PCDH17: variants seen among roughly 807,000 people sequenced by gnomAD.
PCDH17 encodes the protein protocadherin-17.
PCDH17 carries 21 observed loss-of-function variants against 67.7 expected under a neutral mutation model. That is an observed-to-expected ratio of 0.31 (90% CI 0.22 to 0.45). PCDH17 has a LOEUF of 0.45. Among genes scored for constraint, PCDH17 ranks in the 20% least tolerant of loss-of-function variants. PCDH17 has a pLI of 1.00. For missense variants in PCDH17, 1,471 were observed against 1,564.8 expected, an observed-to-expected ratio of 0.94 and a Z score of 1.01; for synonymous variants, 701 against 656.7, an observed-to-expected ratio of 1.07 and a Z score of -1.03.
At chr13:57,685,960 G>A (rs768766978) in intron 3 of PCDH17, among the ~76,000 whole-genome samples, 1 of 151,902 alleles carries the variant, frequency 6.6e-6, no homozygotes, top group East Asian at 2.0e-4. Context: ...ATAGTGGCAT[G>A]CACCTTTAGT....
Position 57,726,624 on chromosome 13 carries a change from G to A in PCDH17, c.*1330G>A, listed in dbSNP as rs892094694. 4 of 152,552 alleles carry A rather than the reference G, an allele frequency of 2.6e-5. No individual in the cohort carries two copies. The highest frequency in any genetic ancestry group is 7.2e-5 in the African/African-American group (3 of 41,442). 9.4% of individuals were successfully genotyped at this position (152,552 alleles called of 1,614,324 possible). A position where few individuals can be genotyped will look rare whatever the true frequency, so the allele number is the denominator to read the frequency against. On this transcript the variant is annotated 3_prime_UTR_variant, in exon 4 of 4. Transcript: ENST00000377918. Reference sequence around the variant, plus strand: ...AGTGAGCTGATGGAGCTAACTGAAAGGTCAAAAATTACATCCATCAGTCAT... The same window carrying A: ...AGTGAGCTGATGGAGCTAACTGAAAAGTCAAAAATTACATCCATCAGTCAT...
chr13:57,693,058 T>A (rs188675421), intron 3 of PCDH17, among the ~76,000 whole-genome samples: 3 of 150,662 alleles, frequency 2.0e-5, no homozygotes, highest in Middle Eastern at 3.4e-3. Context: ...AATCCATGAC[T>A]CAGCCTGGAT....
upstream of PCDH17, among the ~76,000 whole-genome samples, chr13:57,631,613 A>G (rs951627048): frequency 1.1e-4 from 17 of 152,152 alleles, no homozygotes; most frequent in African/African-American, 2.4e-4. Flanking sequence ...CCCCCTCCCA[A>G]TAGACTCACA....
Position 57,632,469 on chromosome 13 carries a change from C to A in PCDH17, c.-78C>A. ...CTCGCGTCGCGCGCGCACGCTGCGC[C>A]AGGGCCCCAGGCTGGCGCGCACTCC... On this transcript the variant is annotated 5_prime_UTR_variant, in exon 1 of 4. Transcript: ENST00000377918. 6.9e-7 allele frequency: 1 copy of A among 1,451,358 alleles called. No individual in the cohort carries two copies. The highest frequency in any genetic ancestry group is 9.3e-7 in the Non-Finnish European group (1 of 1,080,070). The allele number at this position is 1,451,358 out of a possible 1,614,324, so 89.9% of individuals were successfully genotyped here.
chr13:57,671,415 T>G (rs1955320569), intron 3 of PCDH17, among the ~76,000 whole-genome samples: 1 of 151,840 alleles, frequency 6.6e-6, no homozygotes, highest in African/African-American at 2.4e-5. Flanking sequence ...AAAGAAGAGC[T>G]ACCTATAGTT....
intron 3 of PCDH17, among the ~76,000 whole-genome samples, chr13:57,697,367 G>A (rs1270858026): frequency 6.6e-6 from 1 of 151,546 alleles, no homozygotes; most frequent in African/African-American, 2.4e-5. Context: ...AAGAGATACT[G>A]GATTTTTAAG....
At chr13:57,691,776 T>C (rs1555286664) in intron 3 of PCDH17, among the ~76,000 whole-genome samples, 2 of 151,256 alleles carry the variant, frequency 1.3e-5, no homozygotes, top group Non-Finnish European at 3.0e-5. Flanking sequence ...AAGTGGCCTA[T>C]CTAGGATAAT....
In PCDH17 at chr13:57,646,669, A is replaced by T. The variant is rs545007313; in HGVS notation, c.2565+11558A>T. On this transcript the variant is annotated intron_variant, in intron 1 of 3. Transcript: ENST00000377918. ...AGAAAGAAGCATAGAAATGTAATTT[A>T]AAAATGTTTAGAATTCATTTTCAAC... 5.9e-5 allele frequency among the ~76,000 whole-genome samples: 9 copies of T among 151,930 alleles called. No individual in the cohort carries two copies. The East Asian group carries it at 1.5e-3, about 26-fold the overall frequency.
At chr13:57,695,412 A>G (rs1200391830) in intron 3 of PCDH17, among the ~76,000 whole-genome samples, 2 of 120,942 alleles carry the variant, frequency 1.7e-5, no homozygotes, top group Non-Finnish European at 3.4e-5. Flanking sequence ...GAAGTTACAG[A>G]TAAAATGAGA....
intron 3 of PCDH17, among the ~76,000 whole-genome samples, chr13:57,723,531 C>G (rs760187636): frequency 6.6e-6 from 1 of 152,094 alleles, no homozygotes; most frequent in Non-Finnish European, 1.5e-5. Context: ...AATGGCAAAT[C>G]CCAAGGGCGC....
intron 1 of PCDH17, among the ~76,000 whole-genome samples, chr13:57,635,680 C>A (rs964107904): frequency 2.6e-5 from 4 of 152,196 alleles, no homozygotes; most frequent in Admixed American, 6.5e-5. Context: ...ATGAATCTCA[C>A]TTATTCTTCA....
chr13:57,706,876 T>G (rs1379770331), intron 3 of PCDH17, among the ~76,000 whole-genome samples: 1 of 152,142 alleles, frequency 6.6e-6, no homozygotes, highest in Non-Finnish European at 1.5e-5. Flanking sequence ...GCTATCTGAT[T>G]GGCAGTTGAG....
chr13:57,720,399 T>G (rs1955862894), intron 3 of PCDH17, among the ~76,000 whole-genome samples: 1 of 152,028 alleles, frequency 6.6e-6, no homozygotes, highest in Non-Finnish European at 1.5e-5. Context: ...TTGGTGCTTT[T>G]AGTCTGAAAG....
At chr13:57,703,299 CTT>C (rs1259562733) in intron 3 of PCDH17, among the ~76,000 whole-genome samples, 1 of 151,956 alleles carries the variant, frequency 6.6e-6, no homozygotes, top group South Asian at 2.1e-4. Flanking sequence ...GAGAGGAAAA[CTT>C]ATAGATAATT....
chr13:57,725,883 A>C lies in PCDH17; in HGVS notation c.*589A>C, dbSNP rs1955913018. The C allele has an allele frequency of 6.6e-6, 1 of 152,650 alleles. No individual in the cohort carries two copies. Among genetic ancestry groups the C allele is most frequent in the African/African-American group, 2.4e-5 (1 of 41,458 alleles). The allele number at this position is 152,650 out of a possible 1,614,324, so 9.5% of individuals were successfully genotyped here. ...CCTGACACACATATAAACACAAGGAACATTCCATATCATTAGTCGAAAACA... is the reference window on the plus strand; with the variant it reads ...CCTGACACACATATAAACACAAGGACCATTCCATATCATTAGTCGAAAACA... On this transcript the variant is annotated 3_prime_UTR_variant, in exon 4 of 4. Transcript: ENST00000377918.
intron 1 of PCDH17, among the ~76,000 whole-genome samples, chr13:57,665,815 T>C (rs1955245748): frequency 6.6e-6 from 1 of 152,190 alleles, no homozygotes; most frequent in Non-Finnish European, 1.5e-5. Context: ...GTAACATTTT[T>C]TTCTCTCTTA....
intron 3 of PCDH17, among the ~76,000 whole-genome samples, chr13:57,698,404 A>AT (rs1566239818): frequency 6.6e-6 from 1 of 151,854 alleles, no homozygotes; most frequent in Non-Finnish European, 1.5e-5. Flanking sequence ...AGTTTATCAC[A>AT]TAAATGTTCT....
intron 3 of PCDH17, among the ~76,000 whole-genome samples, chr13:57,711,643 T>A (rs1186874267): frequency 1.3e-5 from 2 of 151,782 alleles, no homozygotes; most frequent in Non-Finnish European, 2.9e-5. Flanking sequence ...TTCTATTGAA[T>A]ATATACTATA....
chr13:57,630,307 C>G (rs192644266), upstream of PCDH17, among the ~76,000 whole-genome samples: 113 of 150,442 alleles, frequency 7.5e-4, 1 homozygote, highest in Middle Eastern at 0.01. Context: ...GTGATCCCGG[C>G]AGACACCAGA....
Sources: allele counts gnomAD v4.1 joint callset (sites outside exome capture counted in the v4.1 genomes callset), GRCh38; gene constraint gnomAD v4.1.1; transcripts MANE v1.5; gene names NCBI Gene and HGNC (gene_info 2026-07-23, HGNC 2026-07-21).